The following LPP variants were observed in gnomAD, a reference collection of about 807,000 sequenced individuals.
The protein encoded by LPP is lipoma-preferred partner.
In LPP, 38 loss-of-function variants were observed where a neutral mutation model predicts 60.4. The observed-to-expected ratio is 0.63, with a 90% CI of 0.49 to 0.83. The LOEUF (loss-of-function observed/expected upper bound fraction) is 0.83, where lower values mean the gene tolerates loss of function less well. Among genes scored for constraint, LPP ranks in the 40% least tolerant of loss-of-function variants. LPP has a pLI of 0.00. For synonymous variants in LPP, 328 were observed against 290.8 expected (o/e 1.13, Z -1.30); for missense variants, 902 against 783.6 (o/e 1.15, Z -1.80).
intron 6 of LPP, among the ~76,000 whole-genome samples, chr3:188,594,508 A>G (rs1839602027): frequency 6.6e-6 from 1 of 152,154 alleles, no homozygotes; most frequent in South Asian, 2.1e-4. Context: ...CTCTGTCTAT[A>G]CTTGAATTCA....
chr3:188,754,410 C>CT (rs1316285885), intron 8 of LPP, among the ~76,000 whole-genome samples: 1 of 152,134 alleles, frequency 6.6e-6, no homozygotes, highest in African/African-American at 2.4e-5. Flanking sequence ...TTAGGAATTT[C>CT]TTTTTTTCAG....
intron 9 of LPP, among the ~76,000 whole-genome samples, chr3:188,810,525 G>A (rs1232329608): frequency 6.6e-6 from 1 of 152,048 alleles, no homozygotes; most frequent in East Asian, 1.9e-4. Flanking sequence ...ACAGGATATT[G>A]CTATAATTGT....
chr3:188,167,227 G>C (rs13098679), intron 1 of LPP, among the ~76,000 whole-genome samples: 103,732 of 152,068 alleles, frequency 0.68, 35,952 homozygotes, highest in East Asian at 0.81. Flanking sequence ...GCCGGGCACG[G>C]TGGCTCAGGC....
In LPP at chr3:188,609,561, C is replaced by T. The variant is rs769987460; in HGVS notation, c.830C>T (p.Pro277Leu). The part of the protein sequence containing the change: ...TRGGMDYAYI[P>L]PPGLQPEPGY... ...GGAGGCATGGATTATGCCTACATTC[C>T]ACCACCAGGACTTCAGCCGGAGCCT... The change falls in exon 7 of 12, where the codon CCA (proline) becomes CTA (leucine). Residue 277 changes from proline to leucine, a missense_variant. Physicochemically the swap from Pro to Leu is moderately conservative, Grantham distance 98. Coordinates refer to ENST00000617246, the MANE Select transcript of LPP (RefSeq NM_001375462.1). This position sits in a 1 kb window ranked among gnomAD's most constrained non-coding sequence, Gnocchi z 6.9. The T allele has an allele frequency of 4.2e-5, 68 of 1,614,062 alleles. No homozygotes were observed. The highest frequency in any genetic ancestry group is 5.4e-5 in the Non-Finnish European group (64 of 1,180,038).
chr3:188,881,874 T>A lies in LPP; in HGVS notation c.*7395T>A, dbSNP rs1052400267. The A allele has an allele frequency of 4.6e-6, 1 of 215,832 alleles. No individual in the cohort carries two copies. The highest frequency in any genetic ancestry group is 9.3e-6 in the Non-Finnish European group (1 of 107,162). The allele number at this position is 215,832 out of a possible 1,614,324, so 13.4% of individuals were successfully genotyped here. On this transcript the variant is annotated 3_prime_UTR_variant, in exon 12 of 12. Coordinates refer to ENST00000617246, the MANE Select transcript of LPP (RefSeq NM_001375462.1). ...AGGTTATACATAAATATTTGCTGGT[T>A]GATTGATTTCGAGATTCATTCATTC... is the stretch of plus-strand genomic sequence containing the variant.
intron 2 of LPP, among the ~76,000 whole-genome samples, chr3:188,324,449 T>A (rs1673979250): frequency 6.6e-6 from 1 of 152,168 alleles, no homozygotes; most frequent in Admixed American, 6.5e-5. Context: ...AAATGCGTCA[T>A]CTCAAGATCT....
At chr3:188,857,839 A>G (rs1385166390) in intron 9 of LPP, among the ~76,000 whole-genome samples, 1 of 152,230 alleles carries the variant, frequency 6.6e-6, no homozygotes. Context: ...AAAAAATAGA[A>G]ATACGGTGCT....
At chr3:188,365,205 T>C (rs1225513714) in intron 3 of LPP, among the ~76,000 whole-genome samples, 1 of 152,008 alleles carries the variant, frequency 6.6e-6, no homozygotes, top group Non-Finnish European at 1.5e-5. Flanking sequence ...AAACCACTCT[T>C]GTCCTCTGCC....
At chr3:188,496,991 GA>G (rs1810414609) in intron 5 of LPP, among the ~76,000 whole-genome samples, 1 of 138,932 alleles carries the variant, frequency 7.2e-6, no homozygotes, top group Non-Finnish European at 1.5e-5. Flanking sequence ...CCAACTAGTG[GA>G]AAAAAAGTTT....
At chr3:188,407,495 T>C (rs1011729367) in intron 4 of LPP, among the ~76,000 whole-genome samples, 1 of 152,200 alleles carries the variant, frequency 6.6e-6, no homozygotes, top group African/African-American at 2.4e-5. Flanking sequence ...TGGATATCCT[T>C]TTCCTCAGAA....
intron 2 of LPP, among the ~76,000 whole-genome samples, chr3:188,285,670 G>A (rs1743677767): frequency 6.6e-6 from 1 of 152,186 alleles, no homozygotes; most frequent in South Asian, 2.1e-4. Context: ...CCAAAGTGCT[G>A]GGATTACAGG....
chr3:188,187,464 C>T (rs1382841658), intron 1 of LPP, among the ~76,000 whole-genome samples: 2 of 147,802 alleles, frequency 1.4e-5, no homozygotes, highest in Non-Finnish European at 2.9e-5. Context: ...AATAAATAAG[C>T]TTCTTATTAT....
intron 8 of LPP, among the ~76,000 whole-genome samples, chr3:188,727,321 T>C (rs1277114521): frequency 6.6e-6 from 1 of 152,160 alleles, no homozygotes; most frequent in Non-Finnish European, 1.5e-5. Context: ...TCAGCAGTAC[T>C]GAGAGTATTG....
At chr3:188,628,963 A>G (rs1244870837) in intron 7 of LPP, among the ~76,000 whole-genome samples, 1 of 152,192 alleles carries the variant, frequency 6.6e-6, no homozygotes, top group Admixed American at 6.5e-5. Flanking sequence ...ACACAAATCA[A>G]TGAATGTGAT....
intron 2 of LPP, among the ~76,000 whole-genome samples, chr3:188,315,445 C>T (rs996425076): frequency 2.6e-5 from 4 of 151,818 alleles, no homozygotes; most frequent in Non-Finnish European, 4.4e-5. Flanking sequence ...TGTTGTTTTT[C>T]TCATTGTTTG....
intron 6 of LPP, chr3:188,568,748 GGAAAGTAGAGAGGAA>G (rs1832810318): frequency 6.6e-6 from 1 of 152,000 alleles, no homozygotes; most frequent in Admixed American, 6.6e-5. Context: ...AGTGGCTTGG[GGAAAGTAGAGAGGAA>G]GAAGTTTTTC....
At chr3:188,485,511 G>C (rs910141642) in intron 5 of LPP, among the ~76,000 whole-genome samples, 1 of 152,162 alleles carries the variant, frequency 6.6e-6, no homozygotes, top group East Asian at 1.9e-4. Flanking sequence ...AGATAAAATG[G>C]AATGGGCCGG....
intron 7 of LPP, among the ~76,000 whole-genome samples, chr3:188,684,266 C>A (rs1340584278): frequency 6.6e-6 from 1 of 152,204 alleles, no homozygotes; most frequent in Non-Finnish European, 1.5e-5. Flanking sequence ...GTACAACAGG[C>A]TGAGAACCAT....
intron 2 of LPP, among the ~76,000 whole-genome samples, chr3:188,236,081 G>A (rs907161570): frequency 1.3e-5 from 2 of 151,558 alleles, no homozygotes; most frequent in Admixed American, 1.3e-4. Context: ...TAGAACAAAT[G>A]TTAAAAAAAA....
Sources: gnomAD v4.1 joint callset for allele counts (sites outside exome capture counted in the v4.1 genomes callset) on GRCh38, gnomAD v4.1.1 for gene constraint, Gnocchi (gnomAD v3.1) non-coding constraint, MANE v1.5 for transcripts, NCBI Gene and HGNC (gene_info 2026-07-23, HGNC 2026-07-21) for gene names.